Variants in SUGCT observed in about 807,000 individuals in gnomAD.
SUGCT encodes the protein succinyl-CoA:glutarate-CoA transferase, also known as succinyl-CoA:glutarate CoA-transferase.
Under a neutral mutation model 55.0 loss-of-function variants are expected in SUGCT, and 41 were observed. That is an observed-to-expected ratio of 0.74 (90% CI 0.58 to 0.97). The LOEUF (loss-of-function observed/expected upper bound fraction) is 0.97. Among genes scored for constraint, SUGCT ranks in the 50% least tolerant of loss-of-function variants. The pLI, the probability that SUGCT is intolerant of heterozygous loss-of-function variation, is 0.00. For synonymous variants in SUGCT, 187 were observed against 200.4 expected (o/e 0.93, Z 0.56); for missense variants, 568 against 547.8 (o/e 1.04, Z -0.37).
At position 40,702,699 on chromosome 7, in the gene SUGCT, G is replaced by A. The variant is rs74368964; in HGVS notation, c.1090-46735G>A. 4.8e-3 allele frequency among the ~76,000 whole-genome samples: 733 copies of A among 152,206 alleles called. 16 individuals carry two copies. The highest frequency in any genetic ancestry group is 0.031 in the East Asian group (163 of 5,178). On this transcript the variant is annotated intron_variant, in intron 12 of 13. Coordinates refer to ENST00000335693, the MANE Select transcript of SUGCT (RefSeq NM_001193313.2). ...TCAATATGAGTCGGCTCCATGTTTT[G>A]GGGGTTGAGAGAACTATGTAACAAG...
At chr7:40,757,396 A>G (rs1237716598) in intron 13 of SUGCT, among the ~76,000 whole-genome samples, 2 of 152,160 alleles carry the variant, frequency 1.3e-5, no homozygotes, top group Non-Finnish European at 2.9e-5. Context: ...TATTTCTGTT[A>G]GTTGGGACTT....
chr7:40,942,015 A>G, the SUGCT span, among the ~76,000 whole-genome samples: 1 of 152,082 alleles, frequency 6.6e-6, no homozygotes, highest in Non-Finnish European at 1.5e-5. Flanking sequence ...GTTTTTATCC[A>G]TTCTGCCAAT....
chr7:40,326,557 C>T (rs192812502), intron 9 of SUGCT, among the ~76,000 whole-genome samples: 32 of 152,140 alleles, frequency 2.1e-4, no homozygotes, highest in South Asian at 1.0e-3. Context: ...GAGGGCAACA[C>T]GCTGTGGTAA....
intron 12 of SUGCT, among the ~76,000 whole-genome samples, chr7:40,501,253 C>A (rs1792267438): frequency 6.6e-6 from 1 of 151,804 alleles, no homozygotes; most frequent in African/African-American, 2.4e-5. Flanking sequence ...TTTTATCATC[C>A]CTGGGTGTAA....
intron 13 of SUGCT, among the ~76,000 whole-genome samples, chr7:40,796,369 T>C (rs1790555155): frequency 6.6e-6 from 1 of 152,162 alleles, no homozygotes; most frequent in Admixed American, 6.6e-5. Context: ...GAGAGTGACC[T>C]GGACATTTCT....
chr7:40,370,394 A>T (rs539038911), intron 9 of SUGCT, among the ~76,000 whole-genome samples: 1 of 152,256 alleles, frequency 6.6e-6, no homozygotes, highest in African/African-American at 2.4e-5. Flanking sequence ...AACTCTGCCG[A>T]ACCTGGATGA....
chr7:40,846,977 C>T (rs7808121), intron 13 of SUGCT, among the ~76,000 whole-genome samples: 33,167 of 152,084 alleles, frequency 0.22, 4,770 homozygotes, highest in East Asian at 0.8. Context: ...GTGCTTAACA[C>T]GTGTAAGTAC....
the SUGCT span, among the ~76,000 whole-genome samples, chr7:40,914,031 A>G: frequency 4.3e-4 from 65 of 151,790 alleles, 1 homozygote; most frequent in African/African-American, 1.5e-3. Flanking sequence ...GAGACTAAAC[A>G]TGCTGTTAAG....
the SUGCT span, among the ~76,000 whole-genome samples, chr7:41,012,908 T>C: frequency 2.0e-5 from 3 of 151,970 alleles, no homozygotes; most frequent in African/African-American, 7.3e-5. Flanking sequence ...TTTAAATATT[T>C]CCACATTCAG....
the SUGCT span, among the ~76,000 whole-genome samples, chr7:40,961,990 T>G: frequency 6.6e-6 from 1 of 152,162 alleles, no homozygotes; most frequent in Admixed American, 6.5e-5. Context: ...TTCCACAATG[T>G]GGAAGGGGAC....
rs868187889 is a variant in SUGCT, at chr7:40,411,427, T to C, written c.817-37860T>C. Among the ~76,000 whole-genome samples the C allele has an allele frequency of 3.3e-5, 5 of 152,234 alleles. No homozygotes were observed. In the South Asian group the frequency reaches 1.0e-3, roughly 32 times the overall value. ...AAACAAAAAGCCAATGAATTATACA[T>C]TTGAGGAAAGAACAAATTAAAAAGT... On this transcript the variant is annotated intron_variant, in intron 9 of 13. Coordinates refer to ENST00000335693, the MANE Select transcript of SUGCT (RefSeq NM_001193313.2).
At chr7:40,929,641 T>C in the SUGCT span, among the ~76,000 whole-genome samples, 1 of 152,242 alleles carries the variant, frequency 6.6e-6, no homozygotes, top group Admixed American at 6.5e-5. Flanking sequence ...TATCTCACTG[T>C]GGTTCTGATT....
the SUGCT span, among the ~76,000 whole-genome samples, chr7:41,020,367 A>G: frequency 6.6e-6 from 1 of 152,246 alleles, no homozygotes; most frequent in Non-Finnish European, 1.5e-5. Context: ...GAGGGATCAT[A>G]TTAAACTAAA....
At chr7:40,244,270 AAGAT>A (rs1789665562) in intron 7 of SUGCT, among the ~76,000 whole-genome samples, 1 of 152,212 alleles carries the variant, frequency 6.6e-6, no homozygotes, top group Non-Finnish European at 1.5e-5. Context: ...GGTGCCTGGA[AAGAT>A]AGATAGAATG....
intron 13 of SUGCT, among the ~76,000 whole-genome samples, chr7:40,842,062 G>T (rs1390511702): frequency 6.6e-6 from 1 of 152,030 alleles, no homozygotes; most frequent in African/African-American, 2.4e-5. Flanking sequence ...AACATTGGAG[G>T]GCATTTTGTA....
intron 13 of SUGCT, among the ~76,000 whole-genome samples, chr7:40,798,274 T>G (rs1445306584): frequency 6.6e-6 from 1 of 152,222 alleles, no homozygotes; most frequent in African/African-American, 2.4e-5. Context: ...GTTCAATAAA[T>G]GTACTTGTTG....
chr7:40,559,135 G>C (rs958841793), intron 12 of SUGCT, among the ~76,000 whole-genome samples: 4 of 152,156 alleles, frequency 2.6e-5, no homozygotes, highest in African/African-American at 4.8e-5. Context: ...GTTTTCTTCA[G>C]CTTTACTGCT....
At chr7:40,336,039 C>G (rs1796679714) in intron 9 of SUGCT, among the ~76,000 whole-genome samples, 1 of 152,040 alleles carries the variant, frequency 6.6e-6, no homozygotes, top group Non-Finnish European at 1.5e-5. Context: ...TGTTTATATG[C>G]TGGATTACGT....
chr7:40,238,988 T>G (rs6971262), intron 7 of SUGCT, among the ~76,000 whole-genome samples: 3,269 of 152,144 alleles, frequency 0.021, 101 homozygotes, highest in African/African-American at 0.074. Context: ...GACCAGCTAA[T>G]TTTTGTATTT....
Sources: gnomAD v4.1 joint callset for allele counts (sites outside exome capture counted in the v4.1 genomes callset) on GRCh38, gnomAD v4.1.1 for gene constraint, MANE v1.5 for transcripts, NCBI Gene and HGNC (gene_info 2026-07-23, HGNC 2026-07-21) for gene names.